Variants in GALNT13 observed in about 807,000 individuals in gnomAD.
GALNT13 encodes UDP-GalNAc:polypeptide N-acetylgalactosaminyltransferase 13.
Under a neutral mutation model 64.2 loss-of-function variants are expected in GALNT13, and 28 were observed. That is an observed-to-expected ratio of 0.44 (90% CI 0.32 to 0.60). GALNT13 has a LOEUF of 0.60. GALNT13 is among the 20% of genes least tolerant of loss of function. The pLI, the probability that GALNT13 is intolerant of heterozygous loss-of-function variation, is 0.05. For missense variants in GALNT13, 577 were observed against 669.8 expected, an observed-to-expected ratio of 0.86 and a Z score of 1.53; for synonymous variants, 214 against 224.6, an observed-to-expected ratio of 0.95 and a Z score of 0.42.
At chr2:153,301,752 A>C in the GALNT13 span, among the ~76,000 whole-genome samples, 1 of 152,124 alleles carries the variant, frequency 6.6e-6, no homozygotes, top group Non-Finnish European at 1.5e-5. Context: ...CACATAAGTG[A>C]GGTTATATGG....
At chr2:153,735,347 A>G in the GALNT13 span, among the ~76,000 whole-genome samples, 1 of 152,144 alleles carries the variant, frequency 6.6e-6, no homozygotes, top group African/African-American at 2.4e-5. Context: ...AAAGGCATTA[A>G]GTTGTCACTA....
At chr2:154,044,704 A>G (rs930926995) in intron 3 of GALNT13, among the ~76,000 whole-genome samples, 3 of 152,220 alleles carry the variant, frequency 2.0e-5, no homozygotes, top group African/African-American at 4.8e-5. Flanking sequence ...TGCAGACAGA[A>G]TGAAGGGGAA....
At chr2:153,149,959 T>C in the GALNT13 span, among the ~76,000 whole-genome samples, 1 of 151,832 alleles carries the variant, frequency 6.6e-6, no homozygotes, top group Non-Finnish European at 1.5e-5. Context: ...TTTGAGGCTA[T>C]AGACAACTTT....
intron 11 of GALNT13, among the ~76,000 whole-genome samples, chr2:154,434,359 A>T (rs940293906): frequency 6.6e-6 from 1 of 152,164 alleles, no homozygotes; most frequent in Non-Finnish European, 1.5e-5. Context: ...TCCCGGGCTC[A>T]CGCCATTCTC....
intron 9 of GALNT13, among the ~76,000 whole-genome samples, chr2:154,339,374 C>G (rs930586620): frequency 6.6e-6 from 1 of 151,998 alleles, no homozygotes; most frequent in Admixed American, 6.6e-5. Context: ...GGATAAGTAA[C>G]AAATTTTTCT....
the GALNT13 span, among the ~76,000 whole-genome samples, chr2:153,557,553 T>G: frequency 6.6e-6 from 1 of 152,214 alleles, no homozygotes; most frequent in Non-Finnish European, 1.5e-5. Flanking sequence ...TCGTTTCATT[T>G]ACTATCATTT....
chr2:153,407,373 G>A, the GALNT13 span, among the ~76,000 whole-genome samples: 5 of 152,176 alleles, frequency 3.3e-5, no homozygotes, highest in African/African-American at 1.2e-4. Context: ...ATTTGAGGTT[G>A]CCTTCTCAAA....
the GALNT13 span, among the ~76,000 whole-genome samples, chr2:153,086,799 A>G: frequency 5.9e-5 from 9 of 151,804 alleles, no homozygotes; most frequent in African/African-American, 1.9e-4. Context: ...CTGTTGGTGT[A>G]TAGCAGTGCT....
the GALNT13 span, among the ~76,000 whole-genome samples, chr2:153,645,043 A>G: frequency 1.3e-5 from 2 of 152,138 alleles, no homozygotes; most frequent in Non-Finnish European, 1.5e-5. Flanking sequence ...AACTATCTGC[A>G]TATGGCAAGT....
At chr2:153,305,532 C>T in the GALNT13 span, among the ~76,000 whole-genome samples, 3 of 152,070 alleles carry the variant, frequency 2.0e-5, no homozygotes, top group Admixed American at 1.3e-4. Flanking sequence ...AATGAGATAA[C>T]AAATGGGAAG....
chr2:154,377,353 T>G (rs1259652096), intron 9 of GALNT13, among the ~76,000 whole-genome samples: 1 of 152,142 alleles, frequency 6.6e-6, no homozygotes, highest in East Asian at 1.9e-4. Flanking sequence ...GAAATGTTTA[T>G]TTCATTTTTG....
chr2:154,241,385 T>C lies in GALNT13; in HGVS notation c.312-645T>C, dbSNP rs531651826. On this transcript the variant is annotated intron_variant, in intron 4 of 12. Coordinates refer to ENST00000392825, the MANE Select transcript of GALNT13 (RefSeq NM_052917.4). The stretch of plus-strand genomic sequence containing the variant: ...GACCACGCTCTTACCTTCCCAGCAC[T>C]TCCATATCAGTGACTGTGCACATTA... Among the ~76,000 whole-genome samples, 4 of 152,308 alleles carry C rather than the reference T, an allele frequency of 2.6e-5. No homozygotes were observed. The East Asian group carries it at 7.7e-4, about 29-fold the overall frequency.
the GALNT13 span, among the ~76,000 whole-genome samples, chr2:153,506,877 T>A: frequency 2.0e-5 from 3 of 152,214 alleles, no homozygotes; most frequent in East Asian, 5.8e-4. Context: ...TGTATTTGGA[T>A]GTCTAGATCA....
chr2:153,152,120 C>T, the GALNT13 span, among the ~76,000 whole-genome samples: 12 of 152,080 alleles, frequency 7.9e-5, no homozygotes, highest in South Asian at 2.1e-4. Context: ...ACACCTTGCC[C>T]TTTGCTACAT....
intron 4 of GALNT13, among the ~76,000 whole-genome samples, chr2:154,179,227 A>C (rs1386284430): frequency 6.6e-6 from 1 of 152,062 alleles, no homozygotes; most frequent in East Asian, 1.9e-4. Context: ...TATTATGGTT[A>C]ATTTTACCTG....
chr2:153,772,327 C>T, the GALNT13 span, among the ~76,000 whole-genome samples: 2 of 152,206 alleles, frequency 1.3e-5, no homozygotes, highest in Admixed American at 1.3e-4. Context: ...ATCTTTTCCT[C>T]TGCCTGTCTC....
chr2:154,378,207 G>A (rs1698091575), intron 9 of GALNT13, among the ~76,000 whole-genome samples: 1 of 152,048 alleles, frequency 6.6e-6, no homozygotes, highest in African/African-American at 2.4e-5. Context: ...AGGTTCACTG[G>A]GATCGCAGGA....
At chr2:153,254,804 T>C in the GALNT13 span, among the ~76,000 whole-genome samples, 1 of 152,220 alleles carries the variant, frequency 6.6e-6, no homozygotes, top group Non-Finnish European at 1.5e-5. Flanking sequence ...AATCCTGAGT[T>C]CTAGTTTGAT....
intron 9 of GALNT13, among the ~76,000 whole-genome samples, chr2:154,321,013 G>C (rs908518103): frequency 6.6e-6 from 1 of 152,030 alleles, no homozygotes; most frequent in African/African-American, 2.4e-5. Flanking sequence ...ATATAGGTGG[G>C]AAAGGCAATA....
Sources: allele counts gnomAD v4.1 joint callset (sites outside exome capture counted in the v4.1 genomes callset), GRCh38; gene constraint gnomAD v4.1.1; transcripts MANE v1.5; gene names NCBI Gene and HGNC (gene_info 2026-07-23, HGNC 2026-07-21).